Variants in EPB41L5 observed in about 807,000 individuals in gnomAD.
EPB41L5 encodes band 4.1-like protein 5.
EPB41L5 carries 55 observed loss-of-function variants against 106.6 expected under a neutral mutation model. The ratio of observed to expected loss-of-function variants is 0.52; its 90% CI spans 0.42 to 0.65. The LOEUF is 0.65. Among genes scored for constraint, EPB41L5 ranks in the 30% least tolerant of loss-of-function variants. The pLI is 0.00. For synonymous variants in EPB41L5, 297 were observed against 306.7 expected (o/e 0.97, Z 0.33); for missense variants, 871 against 882.1 (o/e 0.99, Z 0.16).
intron 16 of EPB41L5, among the ~76,000 whole-genome samples, chr2:120,110,720 C>T (rs1343840538): frequency 1.5e-4 from 22 of 151,508 alleles, no homozygotes; most frequent in African/African-American, 5.1e-4. Context: ...CTGCAGCCTC[C>T]GCCTCCTGGG....
At chr2:120,105,738 A>G (rs777436955) in intron 16 of EPB41L5, 4 of 985,418 alleles carry the variant, frequency 4.1e-6, no homozygotes, top group Non-Finnish European at 4.8e-6. Context: ...AAAAATGGCC[A>G]CTAATGTATG....
intron 24 of EPB41L5, among the ~76,000 whole-genome samples, chr2:120,171,382 C>G (rs949299074): frequency 2.0e-5 from 3 of 152,128 alleles, no homozygotes; most frequent in Non-Finnish European, 4.4e-5. Flanking sequence ...GTATTTATGC[C>G]CATTTCACTC....
intron 20 of EPB41L5, among the ~76,000 whole-genome samples, chr2:120,154,495 G>A (rs939571305): frequency 2.0e-5 from 3 of 151,870 alleles, no homozygotes; most frequent in African/African-American, 7.3e-5. Context: ...TTATCCCTTA[G>A]TGGTTATTTT....
At chr2:120,030,884 A>T (rs1472822305) in intron 2 of EPB41L5, among the ~76,000 whole-genome samples, 1 of 149,818 alleles carries the variant, frequency 6.7e-6, no homozygotes, top group Non-Finnish European at 1.5e-5. Flanking sequence ...TTAATTAATT[A>T]ATTTATTTAG....
At position 120,083,634 on chromosome 2, in the gene EPB41L5, G is replaced by T. The variant is rs184136063; in HGVS notation, c.804-3537G>T. Among the ~76,000 whole-genome samples, 50 of 152,276 alleles carry T rather than the reference G, an allele frequency of 3.3e-4. No homozygotes were observed. In the East Asian group the frequency reaches 9.6e-3, roughly 29 times the overall value. ...TCTTATTAGTTCCGCTTGATGCAGA[G>T]CTGAGTTCAATTCCTGGATATCCTT... On this transcript the variant is annotated intron_variant, in intron 10 of 24. Transcript: ENST00000263713.
At chr2:120,094,315 C>A (rs1332257181) in intron 14 of EPB41L5, among the ~76,000 whole-genome samples, 1 of 152,030 alleles carries the variant, frequency 6.6e-6, no homozygotes, top group African/African-American at 2.4e-5. Flanking sequence ...CTTCTTGATT[C>A]AGTTTGGGAG....
At chr2:120,035,547 G>A (rs947030008) in intron 2 of EPB41L5, among the ~76,000 whole-genome samples, 1 of 152,194 alleles carries the variant, frequency 6.6e-6, no homozygotes, top group Non-Finnish European at 1.5e-5. Flanking sequence ...TAGAGTGCCT[G>A]TAGTTCCAGC....
At chr2:120,146,047 G>A (rs1686389159) in intron 19 of EPB41L5, among the ~76,000 whole-genome samples, 178 bp from the exon 20 acceptor site, 1 of 152,130 alleles carries the variant, frequency 6.6e-6, no homozygotes, top group African/African-American at 2.4e-5. Context: ...ATTAATTTAG[G>A]TATGGGGTAA....
intron 22 of EPB41L5, 67 bp from the exon 23 acceptor site, chr2:120,167,399 G>A (rs1415977021): frequency 4.6e-6 from 6 of 1,294,834 alleles, no homozygotes; most frequent in East Asian, 2.3e-5. Flanking sequence ...ATGTAAGTAA[G>A]TATTATAAGT....
chr2:120,015,018 T>A (rs527682464), intron 1 of EPB41L5, among the ~76,000 whole-genome samples: 11 of 151,486 alleles, frequency 7.3e-5, no homozygotes, highest in East Asian at 1.9e-4. Context: ...TCATATTATT[T>A]TTTTTTTCCA....
chr2:120,078,509 A>G lies in EPB41L5; in HGVS notation c.731A>G (p.Asp244Gly). The change falls in exon 10 of 25, where the codon GAC becomes GGC. Residue 244 changes from aspartate to glycine, a missense_variant. Asp to Gly is a moderately conservative substitution (Grantham distance 94). Coordinates refer to ENST00000263713, the MANE Select transcript of EPB41L5 (RefSeq NM_020909.4). ...MHVVKARDGN[D>G]YSLGLTPTGV... ...TTAAATTAGGCTAGAGATGGGAATG[A>G]CTATAGTTTGGGACTAACACCAACA... 6.2e-7 allele frequency: 1 copy of G among 1,607,392 alleles called. No individual in the cohort carries two copies. Among genetic ancestry groups the G allele is most frequent in the Non-Finnish European group, 8.5e-7 (1 of 1,177,142 alleles).
rs868610210 is a variant in EPB41L5 at position 120,144,630 on chromosome 2, A to G, written c.1728+1499A>G. On this transcript the variant is annotated intron_variant, in intron 19 of 24. Coordinates refer to ENST00000263713, the MANE Select transcript of EPB41L5 (RefSeq NM_020909.4). ...ATGGAAGAAATATTAGCAGTTCTACAAAGTTTTTCAAAAAGATAGAAGAGG... is the reference window on the plus strand; with the variant it reads ...ATGGAAGAAATATTAGCAGTTCTACGAAGTTTTTCAAAAAGATAGAAGAGG... 2.6e-5 allele frequency among the ~76,000 whole-genome samples: 4 copies of G among 152,322 alleles called. No individual in the cohort carries two copies. In the South Asian group the frequency reaches 8.3e-4, roughly 32 times the overall value.
Position 120,060,621 on chromosome 2 carries a change from G to C in EPB41L5, c.286-12557G>C, listed in dbSNP as rs944956709. Among the ~76,000 whole-genome samples, 4 of 152,262 alleles carry C rather than the reference G, an allele frequency of 2.6e-5. 1 individual carries two copies. The South Asian group carries it at 8.3e-4, about 32-fold the overall frequency. On this transcript the variant is annotated intron_variant, in intron 3 of 24. Coordinates refer to ENST00000263713, the MANE Select transcript of EPB41L5 (RefSeq NM_020909.4). ...CTAAGGGTTAGGGATATTGGCGTTG[G>C]GGGAGTGGTGACTATAAATGAGTAA...
At chr2:120,096,721 C>A (rs1043250925) in intron 14 of EPB41L5, among the ~76,000 whole-genome samples, 1 of 152,074 alleles carries the variant, frequency 6.6e-6, no homozygotes, top group Non-Finnish European at 1.5e-5. Flanking sequence ...ACCCTGGAGT[C>A]GGAGGTTGCA....
intron 20 of EPB41L5, chr2:120,160,508 A>T (rs1687094765): frequency 6.1e-6 from 1 of 163,784 alleles, no homozygotes; most frequent in Admixed American, 6.3e-5. Context: ...TTTCTTTTGG[A>T]TGTTTACCCA....
chr2:120,038,745 CTG>C (rs1182686552), intron 2 of EPB41L5, among the ~76,000 whole-genome samples: 1 of 152,112 alleles, frequency 6.6e-6, no homozygotes, highest in Non-Finnish European at 1.5e-5. Flanking sequence ...CAGAGTGAGA[CTG>C]TATCTCAGAA....
At chr2:120,070,318 C>G (rs1464193605) in intron 3 of EPB41L5, among the ~76,000 whole-genome samples, 2 of 152,256 alleles carry the variant, frequency 1.3e-5, no homozygotes, top group South Asian at 2.1e-4. Flanking sequence ...ACAACAAGTT[C>G]TGAAATTGAG....
intron 21 of EPB41L5, among the ~76,000 whole-genome samples, chr2:120,161,375 CAAAAA>C (rs11333759): frequency 1.5e-5 from 2 of 129,870 alleles, no homozygotes; most frequent in Non-Finnish European, 1.6e-5. Context: ...GAGACTGTCT[CAAAAA>C]AAAAAAAAAA....
chr2:120,154,461 G>A (rs932198321), intron 20 of EPB41L5, among the ~76,000 whole-genome samples: 2 of 151,378 alleles, frequency 1.3e-5, no homozygotes, highest in Non-Finnish European at 1.5e-5. Flanking sequence ...CACTGCACCC[G>A]GCCCCTTCCC....
Sources: gnomAD v4.1 joint callset for allele counts (sites outside exome capture counted in the v4.1 genomes callset) on GRCh38, gnomAD v4.1.1 for gene constraint, MANE v1.5 for transcripts, NCBI Gene and HGNC (gene_info 2026-07-23, HGNC 2026-07-21) for gene names.